The following FARS2 variants were observed in gnomAD, a reference collection of about 807,000 sequenced individuals.
FARS2 encodes the protein phenylalanine--tRNA ligase, mitochondrial.
A neutral mutation model predicts 46.4 loss-of-function variants in FARS2; 40 were observed. The observed-to-expected ratio is 0.86, with a 90% CI of 0.67 to 1.12. FARS2 has a LOEUF of 1.12. FARS2 is among the 50% of genes most tolerant of loss of function. The pLI, the probability that FARS2 is intolerant of heterozygous loss-of-function variation, is 0.00. For synonymous variants in FARS2, 234 were observed against 214.9 expected, an observed-to-expected ratio of 1.09 and a Z score of -0.78; for missense variants, 513 against 567.9, an observed-to-expected ratio of 0.90 and a Z score of 0.98.
At chr6:5,754,405 G>A (rs575240284) in intron 6 of FARS2, among the ~76,000 whole-genome samples, 19 of 152,326 alleles carry the variant, frequency 1.2e-4, no homozygotes, top group East Asian at 1.9e-4. Flanking sequence ...GCACTTCTGC[G>A]AAAACCATCT....
intron 4 of FARS2, among the ~76,000 whole-genome samples, chr6:5,539,076 GTGTC>G (rs1770401584): frequency 6.6e-6 from 1 of 152,048 alleles, no homozygotes; most frequent in Non-Finnish European, 1.5e-5. Flanking sequence ...TTAGAAGAGG[GTGTC>G]CCTACTGACA....
intron 5 of FARS2, among the ~76,000 whole-genome samples, chr6:5,611,377 G>A (rs1459815273): frequency 6.6e-6 from 1 of 152,148 alleles, no homozygotes; most frequent in Non-Finnish European, 1.5e-5. Flanking sequence ...AGGAATTGGA[G>A]GCTTTCTCCT....
intron 6 of FARS2, among the ~76,000 whole-genome samples, chr6:5,620,730 G>A (rs1775728679): frequency 6.6e-6 from 1 of 152,178 alleles, no homozygotes; most frequent in Admixed American, 6.5e-5. Context: ...CAAGTCCCTT[G>A]TGTTATTCTG....
At chr6:5,319,820 G>T (rs528833854) in intron 1 of FARS2, among the ~76,000 whole-genome samples, 2 of 152,176 alleles carry the variant, frequency 1.3e-5, no homozygotes, top group Non-Finnish European at 2.9e-5. Flanking sequence ...AAGAAGGTAG[G>T]GGTGGGAAAT....
intron 2 of FARS2, among the ~76,000 whole-genome samples, chr6:5,372,601 A>G (rs1759128995): frequency 6.6e-6 from 1 of 152,184 alleles, no homozygotes; most frequent in Non-Finnish European, 1.5e-5. Context: ...ATTCTCAGAA[A>G]TTTAAAAATA....
At chr6:5,608,194 G>A (rs1271018004) in intron 5 of FARS2, among the ~76,000 whole-genome samples, 1 of 152,158 alleles carries the variant, frequency 6.6e-6, no homozygotes, top group African/African-American at 2.4e-5. Flanking sequence ...AAATGTAAGG[G>A]TAAGAAGAGA....
At chr6:5,454,887 C>T (rs1298892538) in intron 4 of FARS2, among the ~76,000 whole-genome samples, 1 of 152,186 alleles carries the variant, frequency 6.6e-6, no homozygotes. Context: ...CTGGGCACAT[C>T]TGATGACCCT....
intron 6 of FARS2, among the ~76,000 whole-genome samples, chr6:5,760,983 A>T (rs1243914434): frequency 6.6e-6 from 1 of 152,218 alleles, no homozygotes; most frequent in African/African-American, 2.4e-5. Flanking sequence ...CTATTGGGCC[A>T]TTTGTACCTG....
chr6:5,256,490 G>GAAAAAAAAAAAAAAAAAAAAA (rs777995486), upstream of FARS2, among the ~76,000 whole-genome samples: 31 of 37,518 alleles, frequency 8.3e-4, 13 homozygotes, highest in Admixed American at 1.1e-3. Context: ...GATTTCAACT[G>GAAAAAAAAAAAAAAAAAAAAA]GAAAAAAAAA....
chr6:5,730,075 G>A (rs1266449239), intron 6 of FARS2, among the ~76,000 whole-genome samples: 1 of 152,144 alleles, frequency 6.6e-6, no homozygotes, highest in Non-Finnish European at 1.5e-5. Context: ...ATCACACCAA[G>A]GCAGCCCACC....
chr6:5,283,225 T>A (rs1554153731), intron 1 of FARS2, among the ~76,000 whole-genome samples: 1 of 151,826 alleles, frequency 6.6e-6, no homozygotes, highest in Non-Finnish European at 1.5e-5. Flanking sequence ...ATACAAAAAT[T>A]AGCTGGGCAT....
intron 4 of FARS2, among the ~76,000 whole-genome samples, chr6:5,483,520 A>T (rs941070784): frequency 6.6e-6 from 1 of 152,108 alleles, no homozygotes; most frequent in African/African-American, 2.4e-5. Context: ...TACAAAAATT[A>T]ACCAAGCTTG....
At chr6:5,378,321 C>T (rs1759519558) in intron 2 of FARS2, among the ~76,000 whole-genome samples, 1 of 152,198 alleles carries the variant, frequency 6.6e-6, no homozygotes, top group Non-Finnish European at 1.5e-5. Context: ...CCTGCCCTCA[C>T]GATTCCTTCC....
At chr6:5,542,112 CCT>C (rs1770675654) in intron 4 of FARS2, among the ~76,000 whole-genome samples, 1 of 152,138 alleles carries the variant, frequency 6.6e-6, no homozygotes, top group Admixed American at 6.5e-5. Context: ...TTTACCATAT[CCT>C]GTTTTCTCAG....
intron 1 of FARS2, among the ~76,000 whole-genome samples, chr6:5,342,995 C>T (rs144318674): frequency 1.3e-5 from 2 of 152,124 alleles, no homozygotes; most frequent in Non-Finnish European, 2.9e-5. Flanking sequence ...ACAGGCCCGT[C>T]ATCGACAGAA....
At chr6:5,755,609 T>C (rs1762164885) in intron 6 of FARS2, among the ~76,000 whole-genome samples, 3 of 152,236 alleles carry the variant, frequency 2.0e-5, no homozygotes, top group African/African-American at 7.2e-5. Context: ...AAGTACTTTT[T>C]TTATTGTTCT....
chr6:5,760,075 T>G (rs1056119112), intron 6 of FARS2, among the ~76,000 whole-genome samples: 11 of 152,102 alleles, frequency 7.2e-5, no homozygotes, highest in Non-Finnish European at 1.3e-4. Context: ...AGACCCAGAG[T>G]TCCCCTCAAA....
chr6:5,410,728 A>G (rs1761898911), intron 3 of FARS2, among the ~76,000 whole-genome samples: 1 of 152,180 alleles, frequency 6.6e-6, no homozygotes, highest in Non-Finnish European at 1.5e-5. Flanking sequence ...ACGTGCATCT[A>G]TGATATGGGT....
At chr6:5,637,627 T>G (rs1035945361) in intron 6 of FARS2, among the ~76,000 whole-genome samples, 6 of 152,236 alleles carry the variant, frequency 3.9e-5, no homozygotes, top group African/African-American at 1.2e-4. Context: ...GACTTATGTA[T>G]GAATTTGCTA....
Sources: gnomAD v4.1 joint callset for allele counts (sites outside exome capture counted in the v4.1 genomes callset) on GRCh38, gnomAD v4.1.1 for gene constraint, MANE v1.5 for transcripts, NCBI Gene and HGNC (gene_info 2026-07-23, HGNC 2026-07-21) for gene names.